Variants in PPP2R5C observed in about 807,000 individuals in gnomAD.
The protein encoded by PPP2R5C is protein phosphatase 2 regulatory subunit B'gamma.
Under a neutral mutation model 68.9 loss-of-function variants are expected in PPP2R5C, and 7 were observed. The observed-to-expected ratio is 0.10, with a 90% CI of 0.06 to 0.19. The LOEUF (loss-of-function observed/expected upper bound fraction) is 0.19. Ranked by LOEUF, PPP2R5C falls within the 10% of genes least tolerant of loss-of-function variation. PPP2R5C has a pLI of 1.00. For missense variants in PPP2R5C, 348 were observed against 641.3 expected (o/e 0.54, Z 4.94); for synonymous variants, 210 against 222.2 (o/e 0.95, Z 0.49).
intron 2 of PPP2R5C, among the ~76,000 whole-genome samples, chr14:101,778,725 T>TGCCA (rs978318126): frequency 2.0e-5 from 3 of 152,334 alleles, no homozygotes; most frequent in African/African-American, 7.2e-5. Context: ...TCTGTCCTTA[T>TGCCA]GCCAGTATCA....
upstream of PPP2R5C, among the ~76,000 whole-genome samples, chr14:101,761,087 G>T (rs1332516445): frequency 7.1e-6 from 1 of 140,794 alleles, no homozygotes; most frequent in Admixed American, 7.0e-5. Context: ...AAGGGGAGGG[G>T]AGGGAAGGGA....
intron 1 of PPP2R5C, chr14:101,819,293 G>T: frequency 2.1e-6 from 1 of 475,078 alleles, no homozygotes; most frequent in Non-Finnish European, 3.8e-6. Context: ...GCAGCCTGTG[G>T]CCCCTGGGGT....
rs1295219151 is a variant in PPP2R5C at position 101,882,001 on chromosome 14, C to G, written c.295-160C>G. Among the ~76,000 whole-genome samples, 2 of 152,196 alleles carry G rather than the reference C, an allele frequency of 1.3e-5. No individual in the cohort carries two copies. The highest frequency in any genetic ancestry group is 4.8e-5 in the African/African-American group (2 of 41,438). On this transcript the variant is annotated intron_variant, in intron 2 of 13. Coordinates refer to ENST00000334743, the Ensembl canonical transcript of PPP2R5C. This position sits in a 1 kb window ranked among gnomAD's most constrained non-coding sequence, Gnocchi z 4.9. ...TTTCCTGCTGCAGTTTTGATCCAGG[C>G]TCTCTCTGAGGACCCACACAGCTTC...
chr14:101,797,338 G>A lies in PPP2R5C; in HGVS notation c.259+11155G>A. 2 of 455,828 alleles carry A rather than the reference G, an allele frequency of 4.4e-6. No individual in the cohort carries two copies. Among genetic ancestry groups the A allele is most frequent in the Non-Finnish European group, 8.8e-6 (2 of 226,642 alleles). The allele number at this position is 455,828 out of a possible 1,614,324, so 28.2% of individuals were successfully genotyped here. The stretch of plus-strand genomic sequence containing the variant: ...AGTGGATGGACGCGTGGGTTGCAGA[G>A]CACGCCACACACATTCAGTCAGTAC... On this transcript the variant is annotated intron_variant, in intron 3 of 14. Transcript: ENST00000328724. This position sits in a 1 kb window ranked among gnomAD's most constrained non-coding sequence, Gnocchi z 4.2.
exon 14 of PPP2R5C, chr14:101,925,295 CCGGGCCCGCCAGTTCTTTT>C: frequency 6.2e-7 from 1 of 1,609,344 alleles, no homozygotes; most frequent in Non-Finnish European, 8.5e-7. Flanking sequence ...CGCGTCGGGG[CCGGGCCCGCCAGTTCTTTT>C]CCGGATTCTG....
upstream of PPP2R5C, among the ~76,000 whole-genome samples, chr14:101,760,926 G>A (rs1226186422): frequency 4.9e-4 from 52 of 105,328 alleles, no homozygotes; most frequent in Non-Finnish European, 9.4e-4. Context: ...GAGGGGAGGG[G>A]CTGGCCGAGG....
chr14:101,899,912 TTTTG>T lies in PPP2R5C; in HGVS notation c.853-1796_853-1793del, dbSNP rs1342126917. Among the ~76,000 whole-genome samples, 1 of 152,142 alleles carries T rather than the reference TTTTG, an allele frequency of 6.6e-6. No homozygotes were observed. Among genetic ancestry groups the T allele is most frequent in the Non-Finnish European group, 1.5e-5 (1 of 68,018 alleles). Reference sequence around the variant, plus strand: ...TATTTTTATTTGGCTCTTTTGGGGTTTTTGTTTGTTTGTTAGATTCTTGGAGTAC... The same window carrying T: ...TATTTTTATTTGGCTCTTTTGGGGTTTTTGTTTGTTAGATTCTTGGAGTAC... On this transcript the variant is annotated intron_variant, in intron 8 of 13. Transcript: ENST00000334743. The surrounding 1 kb of genome is among the most constrained non-coding windows in gnomAD (Gnocchi z 4.2).
chr14:101,790,630 G>A (rs1029268856), intron 3 of PPP2R5C, among the ~76,000 whole-genome samples: 3 of 152,228 alleles, frequency 2.0e-5, no homozygotes, highest in Non-Finnish European at 4.4e-5. Context: ...CCGTTCACCA[G>A]TTAATGGACA....
At chr14:101,867,484 A>G (rs2043148937) in intron 2 of PPP2R5C, among the ~76,000 whole-genome samples, 1 of 152,158 alleles carries the variant, frequency 6.6e-6, no homozygotes, top group African/African-American at 2.4e-5. Context: ...TTTCTTAAAA[A>G]TAAAAACAAG....
At chr14:101,765,568 CTTT>C (rs568558671) in intron 2 of PPP2R5C, 487 of 152,526 alleles carry the variant, frequency 3.2e-3, no homozygotes, top group South Asian at 9.2e-3. Flanking sequence ...GCTTTCAAGC[CTTT>C]TTTTTTTTTT....
intron 1 of PPP2R5C, among the ~76,000 whole-genome samples, chr14:101,812,853 TTTG>T (rs1400394984): frequency 1.3e-5 from 2 of 152,214 alleles, no homozygotes; most frequent in Non-Finnish European, 2.9e-5. Context: ...GATCACCTGA[TTTG>T]TTGTCACGAT....
intron 7 of PPP2R5C, among the ~76,000 whole-genome samples, chr14:101,893,447 C>G (rs1253127512): frequency 1.3e-5 from 2 of 152,080 alleles, no homozygotes; most frequent in African/African-American, 4.8e-5. Context: ...AGGTCCATGG[C>G]CAATGAATGG....
rs1045870269 is a variant in PPP2R5C at position 101,825,412 on chromosome 14, A to G, written c.94+15376A>G. 1.3e-5 allele frequency among the ~76,000 whole-genome samples: 2 copies of G among 152,178 alleles called. No individual in the cohort carries two copies. The highest frequency in any genetic ancestry group is 1.3e-4 in the Admixed American group (2 of 15,276). On this transcript the variant is annotated intron_variant, in intron 1 of 13. Coordinates refer to ENST00000334743, the Ensembl canonical transcript of PPP2R5C. This position sits in a 1 kb window ranked among gnomAD's most constrained non-coding sequence, Gnocchi z 4.0. ...TGGCTAGAACAGTTTTGAAAGGCCA[A>G]GATCATGGGTTTAAGATTTGAGACT... is the stretch of plus-strand genomic sequence containing the variant.
chr14:101,858,794 A>G (rs2042587683), intron 2 of PPP2R5C, among the ~76,000 whole-genome samples: 1 of 152,162 alleles, frequency 6.6e-6, no homozygotes, highest in African/African-American at 2.4e-5. Context: ...AGAATCTACA[A>G]AGAATGACAA....
At chr14:101,788,599 C>G (rs1329153015) in intron 3 of PPP2R5C, among the ~76,000 whole-genome samples, 1 of 152,166 alleles carries the variant, frequency 6.6e-6, no homozygotes, top group Non-Finnish European at 1.5e-5. Flanking sequence ...TCCACTGACG[C>G]TTACATTTTC....
intron 2 of PPP2R5C, among the ~76,000 whole-genome samples, chr14:101,881,318 T>C (rs2044159429): frequency 6.6e-6 from 1 of 152,072 alleles, no homozygotes; most frequent in African/African-American, 2.4e-5. Flanking sequence ...AAGAATCACT[T>C]GAACCCGGGA....
At chr14:101,810,096 T>C in intron 1 of PPP2R5C, 2 of 1,458,804 alleles carry the variant, frequency 1.4e-6, no homozygotes, top group Non-Finnish European at 1.9e-6. Flanking sequence ...TAAATGGCTA[T>C]TGTGCTTCAG....
At chr14:101,765,905 C>T (rs1482195715) in intron 2 of PPP2R5C, 1 of 152,162 alleles carries the variant, frequency 6.6e-6, no homozygotes, top group Non-Finnish European at 1.5e-5. Context: ...CTTTTAACAT[C>T]ATGTCACCTT....
chr14:101,783,541 G>A (rs1233753483), intron 2 of PPP2R5C, among the ~76,000 whole-genome samples: 1 of 151,880 alleles, frequency 6.6e-6, no homozygotes, highest in Non-Finnish European at 1.5e-5. Context: ...AGAATGGAGT[G>A]GGGCATGGTG....
Sources: gnomAD v4.1 joint callset for allele counts (sites outside exome capture counted in the v4.1 genomes callset) on GRCh38, gnomAD v4.1.1 for gene constraint, Gnocchi (gnomAD v3.1) non-coding constraint, MANE v1.5 for transcripts, NCBI Gene and HGNC (gene_info 2026-07-23, HGNC 2026-07-21) for gene names.